The following FAF1 variants were observed in gnomAD, a reference collection of about 807,000 sequenced individuals.
FAF1 encodes the protein FAS-associated factor 1.
FAF1 carries 25 observed loss-of-function variants against 92.5 expected under a neutral mutation model. The observed-to-expected ratio is 0.27, with a 90% confidence interval of 0.20 to 0.38. The LOEUF (loss-of-function observed/expected upper bound fraction) is 0.38, where lower values mean the gene tolerates loss of function less well. FAF1 is among the 10% of genes least tolerant of loss of function. The pLI is 1.00. For missense variants in FAF1, 636 were observed against 793.3 expected (o/e 0.80, Z 2.38); for synonymous variants, 234 against 273.2 (o/e 0.86, Z 1.42).
chr1:50,951,421 A>G (rs1305322807), intron 1 of FAF1, among the ~76,000 whole-genome samples: 4 of 152,208 alleles, frequency 2.6e-5, no homozygotes, highest in Non-Finnish European at 5.9e-5. Context: ...AATTTATTGA[A>G]CACTTTCTAT....
intron 2 of FAF1, among the ~76,000 whole-genome samples, chr1:50,841,962 T>C (rs971726847): frequency 6.6e-6 from 1 of 152,088 alleles, no homozygotes; most frequent in African/African-American, 2.4e-5. Flanking sequence ...TGACTAAGAA[T>C]GCTGGATCAT....
At chr1:50,498,752 A>G (rs1267257272) in intron 15 of FAF1, among the ~76,000 whole-genome samples, 1 of 151,970 alleles carries the variant, frequency 6.6e-6, no homozygotes, top group Non-Finnish European at 1.5e-5. Flanking sequence ...CAGGAAGCTG[A>G]GGCAGAAGAA....
At chr1:50,505,161 T>A (rs1429031418) in intron 15 of FAF1, among the ~76,000 whole-genome samples, 2 of 152,136 alleles carry the variant, frequency 1.3e-5, no homozygotes, top group East Asian at 3.9e-4. Context: ...TAATCCACAC[T>A]GGGGGAGAAG....
intron 1 of FAF1, among the ~76,000 whole-genome samples, chr1:50,865,828 T>A (rs1644476868): frequency 6.9e-6 from 1 of 144,726 alleles, no homozygotes. Context: ...CCCTAAAACT[T>A]AAAGTATAAT....
At chr1:50,864,077 A>C (rs905533912) in intron 1 of FAF1, among the ~76,000 whole-genome samples, 41 of 151,416 alleles carry the variant, frequency 2.7e-4, no homozygotes, top group Admixed American at 1.4e-3. Context: ...TATTGTGTCT[A>C]TTTGATTCTT....
chr1:50,758,933 C>T (rs928041934), intron 4 of FAF1, among the ~76,000 whole-genome samples: 2 of 151,960 alleles, frequency 1.3e-5, no homozygotes, highest in Non-Finnish European at 2.9e-5. Flanking sequence ...AGCTCTGCCT[C>T]GTAGGTTCAC....
At chr1:50,885,295 T>TTCTCTCTCTCTCTCTC (rs147647466) in intron 1 of FAF1, among the ~76,000 whole-genome samples, 293 of 137,044 alleles carry the variant, frequency 2.1e-3, no homozygotes, top group East Asian at 7.7e-3. Flanking sequence ...CCGTGTCTCT[T>TTCTCTCTCTCTCTCTC]TCTCTCTCTC....
chr1:50,521,295 G>A (rs569870445), intron 15 of FAF1, among the ~76,000 whole-genome samples: 17 of 152,096 alleles, frequency 1.1e-4, no homozygotes, highest in African/African-American at 2.4e-4. Context: ...CCAAATTCTC[G>A]CAAACATGGC....
intron 6 of FAF1, among the ~76,000 whole-genome samples, chr1:50,706,840 T>C (rs1657693422): frequency 6.6e-6 from 1 of 152,214 alleles, no homozygotes; most frequent in Admixed American, 6.5e-5. Context: ...TCCATGGTTT[T>C]AACCTTCAAC....
intron 8 of FAF1, among the ~76,000 whole-genome samples, chr1:50,616,022 A>T (rs1228974208): frequency 1.3e-5 from 2 of 152,156 alleles, no homozygotes; most frequent in Non-Finnish European, 2.9e-5. Context: ...ATCTTGAGAT[A>T]ATTTTTGTAT....
chr1:50,442,659 T>C (rs1217622427), intron 18 of FAF1, among the ~76,000 whole-genome samples: 1 of 152,080 alleles, frequency 6.6e-6, no homozygotes, highest in Non-Finnish European at 1.5e-5. Context: ...TCTTATCTTC[T>C]GCTTAACTCA....
chr1:50,599,263 C>T (rs1259975543), intron 8 of FAF1, among the ~76,000 whole-genome samples: 5 of 152,120 alleles, frequency 3.3e-5, no homozygotes, highest in Admixed American at 6.5e-5. Flanking sequence ...CAGGTGTGTG[C>T]CACCATGCCT....
intron 8 of FAF1, among the ~76,000 whole-genome samples, chr1:50,608,907 T>C (rs190604593): frequency 5.9e-5 from 9 of 152,312 alleles, no homozygotes; most frequent in Admixed American, 5.9e-4. Flanking sequence ...TGTAAAGTCT[T>C]ATAAGTTACA....
intron 3 of FAF1, among the ~76,000 whole-genome samples, chr1:50,796,121 T>A (rs1306360413): frequency 6.6e-6 from 1 of 150,878 alleles, no homozygotes; most frequent in African/African-American, 2.4e-5. Context: ...AAACAGGGAA[T>A]ACAGAATAAA....
At chr1:50,849,533 A>C (rs1644330740) in intron 2 of FAF1, among the ~76,000 whole-genome samples, 1 of 152,170 alleles carries the variant, frequency 6.6e-6, no homozygotes, top group Non-Finnish European at 1.5e-5. Flanking sequence ...AAATTCAAGC[A>C]TAGAATTTGT....
chr1:50,607,947 A>C (rs1652502213), intron 8 of FAF1, among the ~76,000 whole-genome samples: 3 of 152,216 alleles, frequency 2.0e-5, no homozygotes, highest in Admixed American at 2.0e-4. Flanking sequence ...TTTGCCCAGA[A>C]AAGAATTCAA....
At chr1:50,778,500 T>C (rs1268122037) in intron 4 of FAF1, among the ~76,000 whole-genome samples, 1 of 152,168 alleles carries the variant, frequency 6.6e-6, no homozygotes, top group Non-Finnish European at 1.5e-5. Flanking sequence ...ACCTTACTGA[T>C]AACATAAACC....
chr1:50,655,395 C>A, intron 8 of FAF1, 47 bp downstream of exon 8: 2 of 1,230,222 alleles, frequency 1.6e-6, no homozygotes, highest in Non-Finnish European at 2.4e-6. Context: ...CTGAAAGTGG[C>A]AAAAGAGAAA....
At chr1:50,654,083 C>T (rs747835058) in intron 8 of FAF1, among the ~76,000 whole-genome samples, 26 of 152,186 alleles carry the variant, frequency 1.7e-4, no homozygotes, top group Non-Finnish European at 3.5e-4. Context: ...ATTCAAGTAG[C>T]ATCTACATAA....
Sources: allele counts gnomAD v4.1 joint callset (sites outside exome capture counted in the v4.1 genomes callset), GRCh38; gene constraint gnomAD v4.1.1; transcripts MANE v1.5; gene names NCBI Gene and HGNC (gene_info 2026-07-23, HGNC 2026-07-21).